TMEM132C: variants seen among roughly 807,000 people sequenced by gnomAD.
TMEM132C encodes the protein transmembrane protein 132C, also known as protein phosphatase 1, regulatory subunit 152.
Under a neutral mutation model 61.4 loss-of-function variants are expected in TMEM132C, and 29 were observed. The ratio of observed to expected loss-of-function variants is 0.47; its 90% confidence interval spans 0.35 to 0.64. TMEM132C has a LOEUF of 0.64. TMEM132C is among the 30% of genes least tolerant of loss of function. The pLI is 0.00. For synonymous variants in TMEM132C, 656 were observed against 633.1 expected (o/e 1.04, Z -0.54); for missense variants, 1,408 against 1,476.9 (o/e 0.95, Z 0.76).
intron 2 of TMEM132C, among the ~76,000 whole-genome samples, chr12:128,424,179 C>A (rs1015335941): frequency 1.3e-5 from 2 of 151,332 alleles, no homozygotes; most frequent in African/African-American, 4.9e-5. Flanking sequence ...ATTCATGGAA[C>A]ATACCTGTTC....
chr12:128,451,712 A>G (rs1870179839), intron 2 of TMEM132C, among the ~76,000 whole-genome samples: 1 of 152,232 alleles, frequency 6.6e-6, no homozygotes, highest in Non-Finnish European at 1.5e-5. Context: ...TAAAAATCAA[A>G]CAAGTTTCCT....
At chr12:128,291,836 G>T (rs1398433982) in intron 1 of TMEM132C, among the ~76,000 whole-genome samples, 1 of 152,206 alleles carries the variant, frequency 6.6e-6, no homozygotes, top group Admixed American at 6.5e-5. Flanking sequence ...GATTGAAGTG[G>T]GGAAAGCCAC....
chr12:128,352,244 C>T (rs1308728935), intron 1 of TMEM132C, among the ~76,000 whole-genome samples: 1 of 152,160 alleles, frequency 6.6e-6, no homozygotes, highest in Non-Finnish European at 1.5e-5. Flanking sequence ...AGGCAACTTA[C>T]AATCATGGCA....
chr12:128,333,104 G>T (rs187562985), intron 1 of TMEM132C, among the ~76,000 whole-genome samples: 1 of 151,950 alleles, frequency 6.6e-6, no homozygotes, highest in Non-Finnish European at 1.5e-5. Context: ...TTGTATGAAC[G>T]CTGTGTGTTT....
chr12:128,452,595 G>A (rs145669995), intron 2 of TMEM132C, among the ~76,000 whole-genome samples: 1,875 of 146,742 alleles, frequency 0.013, 42 homozygotes, highest in African/African-American at 0.041. Context: ...GTTGTAGGGG[G>A]CCGGGTGCTG....
chr12:128,417,807 C>G (rs1279786968), intron 2 of TMEM132C, among the ~76,000 whole-genome samples: 1 of 152,166 alleles, frequency 6.6e-6, no homozygotes, highest in Non-Finnish European at 1.5e-5. Flanking sequence ...TCGCAGTAAA[C>G]AGACATTGTG....
At chr12:128,401,287 C>A (rs1467716442) in intron 1 of TMEM132C, among the ~76,000 whole-genome samples, 1 of 152,180 alleles carries the variant, frequency 6.6e-6, no homozygotes, top group Non-Finnish European at 1.5e-5. Context: ...CATTCTCAAC[C>A]CTCACCTTTA....
intron 1 of TMEM132C, among the ~76,000 whole-genome samples, chr12:128,316,615 A>T (rs560037361): frequency 1.3e-5 from 2 of 152,198 alleles, no homozygotes; most frequent in African/African-American, 4.8e-5. Flanking sequence ...AAAGACCACA[A>T]TACAACTTAA....
At chr12:128,390,346 G>T (rs1018483938) in intron 1 of TMEM132C, among the ~76,000 whole-genome samples, 2 of 152,194 alleles carry the variant, frequency 1.3e-5, no homozygotes, top group Non-Finnish European at 2.9e-5. Flanking sequence ...AGGCAAATGC[G>T]TTTCCCTGCT....
At chr12:128,566,064 A>AT (rs1479063217) in intron 3 of TMEM132C, among the ~76,000 whole-genome samples, 1 of 151,258 alleles carries the variant, frequency 6.6e-6, no homozygotes, top group Non-Finnish European at 1.5e-5. Flanking sequence ...TAGTTTTTGT[A>AT]TTTTTAGCAG....
intron 1 of TMEM132C, among the ~76,000 whole-genome samples, chr12:128,362,779 T>C (rs765098881): frequency 1.2e-4 from 18 of 152,172 alleles, no homozygotes; most frequent in African/African-American, 1.9e-4. Flanking sequence ...ACCCATAAAA[T>C]GCAAAACAGT....
At chr12:128,529,431 CA>C (rs1158856177) in intron 2 of TMEM132C, among the ~76,000 whole-genome samples, 2 of 152,050 alleles carry the variant, frequency 1.3e-5, no homozygotes, top group Non-Finnish European at 2.9e-5. Flanking sequence ...CTTAGTATTT[CA>C]AAAAATACCA....
chr12:128,663,891 C>G (rs1954422697), intron 4 of TMEM132C, among the ~76,000 whole-genome samples: 1 of 141,802 alleles, frequency 7.1e-6, no homozygotes, highest in African/African-American at 2.6e-5. Flanking sequence ...CAGGCACAAG[C>G]ACCCACATGC....
chr12:128,589,713 T>A (rs1437751649), intron 3 of TMEM132C, among the ~76,000 whole-genome samples: 1 of 152,134 alleles, frequency 6.6e-6, no homozygotes, highest in African/African-American at 2.4e-5. Flanking sequence ...TAGCACCTAT[T>A]TGATACCTGA....
chr12:128,375,201 C>T (rs1874156679), intron 1 of TMEM132C, among the ~76,000 whole-genome samples: 1 of 151,586 alleles, frequency 6.6e-6, no homozygotes, highest in African/African-American at 2.4e-5. Flanking sequence ...CCAGGCTGTC[C>T]TGGTTGAAAA....
At chr12:128,359,730 T>TA (rs1405106203) in intron 1 of TMEM132C, among the ~76,000 whole-genome samples, 2 of 152,178 alleles carry the variant, frequency 1.3e-5, no homozygotes, top group East Asian at 3.9e-4. Flanking sequence ...GGCGTCTAGA[T>TA]AAAACTCAGA....
chr12:128,530,522 C>A (rs907932623), intron 2 of TMEM132C, among the ~76,000 whole-genome samples: 1 of 152,078 alleles, frequency 6.6e-6, no homozygotes, highest in Non-Finnish European at 1.5e-5. Flanking sequence ...CGGCTCACTG[C>A]AGCCTCTGCC....
At chr12:128,689,436 G>A (rs1046947338) in intron 5 of TMEM132C, among the ~76,000 whole-genome samples, 28 of 152,228 alleles carry the variant, frequency 1.8e-4, no homozygotes, top group African/African-American at 5.8e-4. Context: ...GATGTGAAGC[G>A]GGATTGTCAC....
chr12:128,332,581 A>G (rs1872690498), intron 1 of TMEM132C, among the ~76,000 whole-genome samples: 1 of 152,234 alleles, frequency 6.6e-6, no homozygotes, highest in African/African-American at 2.4e-5. Flanking sequence ...TGAAGGATCA[A>G]AAATAAAAGG....
Sources: gnomAD v4.1 joint callset for allele counts (sites outside exome capture counted in the v4.1 genomes callset) on GRCh38, gnomAD v4.1.1 for gene constraint, MANE v1.5 for transcripts, NCBI Gene and HGNC (gene_info 2026-07-23, HGNC 2026-07-21) for gene names.